SPOCK1: variants seen among roughly 807,000 people sequenced by gnomAD.
SPOCK1 encodes testican-1.
SPOCK1 carries 23 observed loss-of-function variants against 55.3 expected under a neutral mutation model. The ratio of observed to expected loss-of-function variants is 0.42; its 90% CI spans 0.30 to 0.59. The LOEUF is 0.59. SPOCK1 is among the 20% of genes least tolerant of loss of function. The pLI is 0.22. For synonymous variants in SPOCK1, 226 were observed against 221.0 expected (o/e 1.02, Z -0.20); for missense variants, 499 against 552.5 (o/e 0.90, Z 0.97).
chr5:137,066,989 G>GAC (rs1561596952), intron 6 of SPOCK1, among the ~76,000 whole-genome samples: 2 of 126,576 alleles, frequency 1.6e-5, no homozygotes, highest in South Asian at 5.2e-4. Context: ...CACACACACA[G>GAC]AGAGAGAGAG....
At chr5:137,320,653 A>G (rs1276054591) in intron 2 of SPOCK1, among the ~76,000 whole-genome samples, 2 of 152,234 alleles carry the variant, frequency 1.3e-5, no homozygotes, top group South Asian at 2.1e-4. Flanking sequence ...AAGCGCCTGA[A>G]AAAGAGACCA....
intron 3 of SPOCK1, among the ~76,000 whole-genome samples, chr5:137,234,786 AT>A (rs1157167770): frequency 6.6e-6 from 1 of 152,164 alleles, no homozygotes; most frequent in African/African-American, 2.4e-5. Context: ...GAAAAACACC[AT>A]GTTCACCAAC....
intron 5 of SPOCK1, among the ~76,000 whole-genome samples, chr5:137,084,954 CAAAAA>C (rs10568473): frequency 5.3e-5 from 6 of 114,256 alleles, no homozygotes; most frequent in East Asian, 2.5e-4. Context: ...TTATACAAAG[CAAAAA>C]AAAAAAAAAA....
intron 2 of SPOCK1, among the ~76,000 whole-genome samples, chr5:137,362,207 C>G (rs573470792): frequency 6.6e-6 from 1 of 152,058 alleles, no homozygotes; most frequent in African/African-American, 2.4e-5. Flanking sequence ...AAGAAGGTCA[C>G]TGCTTTAAAA....
At chr5:137,053,583 T>C (rs1752249267) in intron 6 of SPOCK1, among the ~76,000 whole-genome samples, 1 of 150,336 alleles carries the variant, frequency 6.7e-6, no homozygotes, top group South Asian at 2.1e-4. Context: ...GCAGTCACAA[T>C]GTTGCTTCAG....
At chr5:137,040,004 C>T (rs1462478730) in intron 6 of SPOCK1, among the ~76,000 whole-genome samples, 4 of 152,192 alleles carry the variant, frequency 2.6e-5, no homozygotes, top group African/African-American at 7.2e-5. Flanking sequence ...GGTTACCTCC[C>T]AGGAGAGCTT....
rs769084622 is a variant in SPOCK1 at position 136,978,837 on chromosome 5, C to T, written c.1137G>A (p.Glu379=). The T allele has an allele frequency of 1.2e-6, 2 of 1,608,250 alleles. No homozygotes were observed. The highest frequency in any genetic ancestry group is 1.7e-6 in the Non-Finnish European group (2 of 1,177,670). The part of the protein sequence containing the change: ...RKQGAVSCEE[E]QETSGDFGSG... ...TGCCAAAATCCCCTGAGGTTTCCTG[C>T]TCCTCTTCTGAAAGATTAAAAAAAG... The change falls in exon 11 of 11, where the codon GAG becomes GAA. Residue 379 remains glutamate (E), a synonymous_variant. Transcript: ENST00000394945.
chr5:137,148,136 C>T (rs747046983), intron 3 of SPOCK1, among the ~76,000 whole-genome samples: 46 of 152,266 alleles, frequency 3.0e-4, no homozygotes, highest in Non-Finnish European at 5.7e-4. Context: ...AGCAAGGAGA[C>T]AATGACAAGC....
rs565954855 is a variant in SPOCK1 at position 137,357,538 on chromosome 5, G to A, written c.187-90483C>T. Among the ~76,000 whole-genome samples, 26 of 152,274 alleles carry A rather than the reference G, an allele frequency of 1.7e-4. 1 individual carries two copies. The highest frequency in any genetic ancestry group is 2.9e-4 in the Non-Finnish European group (20 of 68,040). ...GAAGGAGAGGGTCAGGGAAGGCTAC[G>A]CAGAGAAAGAGATGCCTGACTGGGT... On this transcript the variant is annotated intron_variant, in intron 2 of 10. Coordinates refer to ENST00000394945, the MANE Select transcript of SPOCK1 (RefSeq NM_004598.4).
chr5:137,474,405 C>G (rs900266494), intron 2 of SPOCK1, among the ~76,000 whole-genome samples: 4 of 152,008 alleles, frequency 2.6e-5, no homozygotes, highest in Non-Finnish European at 4.4e-5. Context: ...TTTATGGAGT[C>G]TAATGGTATG....
intron 2 of SPOCK1, among the ~76,000 whole-genome samples, chr5:137,379,831 T>C (rs2127174511): frequency 6.6e-6 from 1 of 152,260 alleles, no homozygotes; most frequent in East Asian, 1.9e-4. Context: ...AACTATCTTC[T>C]CTTTCCAAAG....
chr5:137,313,925 A>T (rs1176923499), intron 2 of SPOCK1, among the ~76,000 whole-genome samples: 1 of 149,202 alleles, frequency 6.7e-6, no homozygotes. Flanking sequence ...CACAACAGGG[A>T]GATAAGGAGA....
At chr5:137,412,513 G>C in intron 2 of SPOCK1, among the ~76,000 whole-genome samples, 1 of 152,172 alleles carries the variant, frequency 6.6e-6, no homozygotes, top group East Asian at 1.9e-4. Context: ...CTTTGGTTTA[G>C]GGAGGGACAC....
chr5:137,069,345 T>C (rs1700317577), intron 5 of SPOCK1, among the ~76,000 whole-genome samples: 1 of 152,198 alleles, frequency 6.6e-6, no homozygotes, highest in Non-Finnish European at 1.5e-5. Context: ...CTTCCTCTTG[T>C]GCATATTTGT....
At chr5:137,360,932 T>C (rs942446768) in intron 2 of SPOCK1, among the ~76,000 whole-genome samples, 12 of 152,180 alleles carry the variant, frequency 7.9e-5, no homozygotes, top group Non-Finnish European at 1.2e-4. Flanking sequence ...CTGTTATGGA[T>C]TGAATGTTTG....
chr5:137,499,073 GGC>G (rs909338159), intron 1 of SPOCK1, 104 bp downstream of exon 1: 22 of 152,206 alleles, frequency 1.4e-4, no homozygotes, highest in African/African-American at 5.1e-4. Context: ...GGGTAAGAAA[GGC>G]GCGCGGAGGT....
At chr5:137,319,216 G>A (rs998387473) in intron 2 of SPOCK1, among the ~76,000 whole-genome samples, 12 of 152,208 alleles carry the variant, frequency 7.9e-5, no homozygotes, top group African/African-American at 2.7e-4. Flanking sequence ...GAGAACTGAG[G>A]ATTCACAGAT....
chr5:137,277,687 C>T, intron 2 of SPOCK1, among the ~76,000 whole-genome samples: 1 of 152,196 alleles, frequency 6.6e-6, no homozygotes, highest in Admixed American at 6.5e-5. Flanking sequence ...GGGATGAAAA[C>T]ACCTGCTTCA....
chr5:137,237,792 G>A (rs61574718), intron 3 of SPOCK1, among the ~76,000 whole-genome samples: 5,545 of 152,218 alleles, frequency 0.036, 161 homozygotes, highest in East Asian at 0.13. Context: ...CAGATGTTGG[G>A]CCTCATTCCC....
Sources: allele counts gnomAD v4.1 joint callset (sites outside exome capture counted in the v4.1 genomes callset), GRCh38; gene constraint gnomAD v4.1.1; transcripts MANE v1.5; gene names NCBI Gene and HGNC (gene_info 2026-07-23, HGNC 2026-07-21).